The following LRGUK variants were observed in gnomAD, a reference collection of about 807,000 sequenced individuals.
LRGUK encodes the protein leucine rich repeats and guanylate kinase domain containing, also known as leucine-rich repeat and guanylate kinase domain-containing protein.
A neutral mutation model predicts 76.0 loss-of-function variants in LRGUK; 65 were observed. The ratio of observed to expected loss-of-function variants is 0.85; its 90% confidence interval spans 0.70 to 1.05. LRGUK has a LOEUF of 1.05. Ranked by LOEUF, LRGUK falls within the 50% of genes least tolerant of loss-of-function variation. The probability of loss-of-function intolerance (pLI) is 0.00; values close to 1 mark genes in which losing one functional copy is unlikely to be tolerated. For synonymous variants in LRGUK, 268 were observed against 265.6 expected (o/e 1.01, Z -0.09); for missense variants, 758 against 732.8 (o/e 1.03, Z -0.40).
intron 5 of LRGUK, among the ~76,000 whole-genome samples, chr7:134,155,429 T>C (rs952766417): frequency 2.0e-5 from 3 of 152,170 alleles, no homozygotes; most frequent in African/African-American, 7.2e-5. Context: ...GATTTGAAAA[T>C]GCATATTGAC....
At chr7:134,196,111 G>C (rs1213501387) in intron 12 of LRGUK, among the ~76,000 whole-genome samples, 1 of 152,144 alleles carries the variant, frequency 6.6e-6, no homozygotes, top group Non-Finnish European at 1.5e-5. Context: ...AGCCCTGGAA[G>C]TTTTCACTTC....
At chr7:134,160,787 C>T (rs58294730) in intron 6 of LRGUK, among the ~76,000 whole-genome samples, 20,020 of 152,090 alleles carry the variant, frequency 0.13, 1,657 homozygotes, top group East Asian at 0.32. Flanking sequence ...TTTCTAATTT[C>T]ATTTATTCAA....
rs568618665 is a variant in LRGUK at position 134,221,889 on chromosome 7, G to C, written c.1954G>C (p.Ala652Pro). 2.9e-5 allele frequency: 47 copies of C among 1,593,634 alleles called. No homozygotes were observed. In the East Asian group the frequency reaches 1.0e-3, roughly 35 times the overall value. The stretch of plus-strand genomic sequence containing the variant: ...CAGAAACTACCTCATTAAATTTTGG[G>C]CCAAACTTTCAGCCAAAAAAACACC... Residue 652 changes from alanine (A) to proline (P), a missense_variant, in exon 16 of 20, where the codon GCC (alanine) becomes CCC (proline). Transcript: ENST00000285928.
chr7:134,127,712 C>T lies in LRGUK; in HGVS notation c.297+48C>T, dbSNP rs199644745. 15 of 1,554,366 alleles carry T rather than the reference C, an allele frequency of 9.7e-6. No individual in the cohort carries two copies. In the East Asian group the frequency reaches 3.4e-4, roughly 36 times the overall value. ...TACTCCCTGGCTCCCTCGTCCAGCC[C>T]TGTTACTTCAGCGGCAGCTCCCCGA... is the stretch of plus-strand genomic sequence containing the variant. On this transcript the variant is annotated intron_variant, in intron 1 of 15. Transcript: ENST00000645682.
At chr7:134,127,625 A>G (rs755998535) in exon 1 of LRGUK, 21 of 1,614,072 alleles carry the variant, frequency 1.3e-5, no homozygotes, top group Non-Finnish European at 1.7e-5. Flanking sequence ...GCGAGGCGGG[A>G]TCCGAGGAGT....
At chr7:134,161,636 A>T (rs1156471340) in intron 6 of LRGUK, among the ~76,000 whole-genome samples, 1 of 151,590 alleles carries the variant, frequency 6.6e-6, no homozygotes, top group African/African-American at 2.4e-5. Context: ...TATGAAATGT[A>T]CCAGAAAACG....
At position 134,192,486 on chromosome 7, in the gene LRGUK, A is replaced by G. The variant is rs12673047; in HGVS notation, c.1431+735A>G. On this transcript the variant is annotated intron_variant, in intron 12 of 15. Coordinates refer to ENST00000645682, the Ensembl canonical transcript of LRGUK. ...GGGTTTTTGCATTTGTTTGTTTTTT[A>G]CTGAAACCCTGACAATCTGGTTATT... Among the ~76,000 whole-genome samples, 381 of 152,276 alleles carry G rather than the reference A, an allele frequency of 2.5e-3. 12 individuals carry two copies. The East Asian group carries it at 0.068, about 27-fold the overall frequency.
rs1249294393 is a variant in LRGUK, at chr7:134,221,693, G to T, written c.1844-86G>T. The T allele has an allele frequency of 4.8e-5, 51 of 1,066,920 alleles. 1 individual carries two copies. Among genetic ancestry groups the T allele is most frequent in the Non-Finnish European group, 6.0e-5 (48 of 794,480 alleles). 66.1% of individuals were successfully genotyped at this position (1,066,920 alleles called of 1,614,324 possible). On this transcript the variant is annotated intron_variant, in intron 15 of 19. Transcript: ENST00000285928. Reference sequence around the variant, plus strand: ...TTAAGTATCCAGCTTGTTATGTTTGGGCAAATAAAAATATAAAACATTTCT... The same window carrying T: ...TTAAGTATCCAGCTTGTTATGTTTGTGCAAATAAAAATATAAAACATTTCT...
At chr7:134,225,163 CCTAA>C (rs1430924269) in intron 16 of LRGUK, among the ~76,000 whole-genome samples, 4 of 148,406 alleles carry the variant, frequency 2.7e-5, no homozygotes, top group African/African-American at 7.5e-5. Flanking sequence ...ACTCTGTGCT[CCTAA>C]CTGTGATTCA....
exon 16 of LRGUK, chr7:134,208,775 G>C (rs186955698): frequency 5.0e-6 from 2 of 399,014 alleles, no homozygotes. Context: ...CAGGTGCTTG[G>C]CGAAACTGCA....
intron 15 of LRGUK, among the ~76,000 whole-genome samples, chr7:134,219,937 A>C (rs1218789632): frequency 6.6e-6 from 1 of 152,030 alleles, no homozygotes; most frequent in Non-Finnish European, 1.5e-5. Context: ...CTGTCCCCTC[A>C]TCCAGCTTCC....
chr7:134,149,056 T>C (rs888391714), intron 5 of LRGUK, among the ~76,000 whole-genome samples: 4 of 151,964 alleles, frequency 2.6e-5, no homozygotes, highest in Non-Finnish European at 4.4e-5. Flanking sequence ...CATGATAAGT[T>C]CTTTTTAAAT....
In LRGUK at chr7:134,150,232, G is replaced by A. The variant is rs190648964; in HGVS notation, c.670+1913G>A. Among the ~76,000 whole-genome samples, 36 of 150,876 alleles carry A rather than the reference G, an allele frequency of 2.4e-4. 1 individual carries two copies. The East Asian group carries it at 6.0e-3, about 25-fold the overall frequency. On this transcript the variant is annotated intron_variant, in intron 5 of 15. Transcript: ENST00000645682. The stretch of plus-strand genomic sequence containing the variant: ...AGAGCTTTCAGTGAGCCCAGATGGC[G>A]CCACTGCACTCCAGCCTGGGCTACA...
At chr7:134,246,492 C>T (rs1405072996) in intron 16 of LRGUK, among the ~76,000 whole-genome samples, 1 of 152,232 alleles carries the variant, frequency 6.6e-6, no homozygotes, top group Non-Finnish European at 1.5e-5. Flanking sequence ...CAAGCAAACA[C>T]TTGAAACTAT....
At chr7:134,156,580 A>G (rs1195614638) in intron 5 of LRGUK, among the ~76,000 whole-genome samples, 1 of 152,210 alleles carries the variant, frequency 6.6e-6, no homozygotes, top group Non-Finnish European at 1.5e-5. Context: ...CTATTGTGAA[A>G]TTGACCTGGC....
intron 16 of LRGUK, among the ~76,000 whole-genome samples, chr7:134,238,802 A>G (rs1802070118): frequency 1.3e-5 from 2 of 151,988 alleles, no homozygotes; most frequent in Admixed American, 1.3e-4. Context: ...GCTCATTTTT[A>G]TGTGAAATTA....
At chr7:134,156,246 C>G (rs912164199) in intron 5 of LRGUK, among the ~76,000 whole-genome samples, 2 of 151,968 alleles carry the variant, frequency 1.3e-5, no homozygotes, top group Non-Finnish European at 2.9e-5. Flanking sequence ...CGGAAATTGC[C>G]TGGGCATATT....
chr7:134,167,034 G>A (rs145839025), intron 7 of LRGUK, among the ~76,000 whole-genome samples: 124 of 152,296 alleles, frequency 8.1e-4, no homozygotes, highest in African/African-American at 2.8e-3. Context: ...GCCTCCAGGG[G>A]CTGACAACAT....
chr7:134,141,071 C>G (rs1381768937), intron 3 of LRGUK, among the ~76,000 whole-genome samples: 1 of 152,182 alleles, frequency 6.6e-6, no homozygotes, highest in Non-Finnish European at 1.5e-5. Flanking sequence ...CCAATGCTCA[C>G]TGCTGACAAC....
Sources: allele counts gnomAD v4.1 joint callset (sites outside exome capture counted in the v4.1 genomes callset), GRCh38; gene constraint gnomAD v4.1.1; transcripts MANE v1.5; gene names NCBI Gene and HGNC (gene_info 2026-07-23, HGNC 2026-07-21).